The following VAV3 variants were observed in gnomAD, a reference collection of about 807,000 sequenced individuals.
The protein encoded by VAV3 is vav guanine nucleotide exchange factor 3, also known as guanine nucleotide exchange factor VAV3.
A neutral mutation model predicts 131.2 loss-of-function variants in VAV3; 94 were observed. The observed-to-expected ratio is 0.72, with a 90% confidence interval of 0.61 to 0.85. The LOEUF (loss-of-function observed/expected upper bound fraction) is 0.85. Among genes scored for constraint, VAV3 ranks in the 40% least tolerant of loss-of-function variants. VAV3 has a pLI of 0.00. For missense variants in VAV3, 939 were observed against 1,002.7 expected (o/e 0.94, Z 0.86); for synonymous variants, 349 against 342.0 (o/e 1.02, Z -0.22).
intron 1 of VAV3, among the ~76,000 whole-genome samples, chr1:107,878,338 T>C (rs1408315357): frequency 6.6e-6 from 1 of 152,202 alleles, no homozygotes; most frequent in Non-Finnish European, 1.5e-5. Flanking sequence ...ATATTCAAAT[T>C]TCCTCAATTG....
At chr1:107,647,476 G>C (rs1655820293) in intron 19 of VAV3, among the ~76,000 whole-genome samples, 2 of 151,888 alleles carry the variant, frequency 1.3e-5, no homozygotes, top group Non-Finnish European at 2.9e-5. Context: ...CCTTCAAACA[G>C]CCTATAGTCA....
intron 19 of VAV3, among the ~76,000 whole-genome samples, chr1:107,665,528 G>C (rs1239597641): frequency 6.6e-6 from 1 of 152,164 alleles, no homozygotes; most frequent in Non-Finnish European, 1.5e-5. Context: ...GAAATGTAAA[G>C]ATAAAGACCA....
intron 1 of VAV3, among the ~76,000 whole-genome samples, chr1:107,902,000 G>A (rs1222757829): frequency 2.0e-5 from 3 of 151,136 alleles, no homozygotes; most frequent in East Asian, 3.9e-4. Flanking sequence ...CCAAGATTGT[G>A]CCACTGCACT....
At chr1:107,796,639 T>C (rs1666560091) in intron 2 of VAV3, among the ~76,000 whole-genome samples, 1 of 152,048 alleles carries the variant, frequency 6.6e-6, no homozygotes, top group Non-Finnish European at 1.5e-5. Context: ...GGGGCCTAAA[T>C]AAGGATCAAA....
At chr1:107,774,408 T>C (rs1665220983) in intron 4 of VAV3, among the ~76,000 whole-genome samples, 1 of 152,184 alleles carries the variant, frequency 6.6e-6, no homozygotes, top group Non-Finnish European at 1.5e-5. Context: ...GACATGCATG[T>C]GTGAGTGCAT....
intron 2 of VAV3, among the ~76,000 whole-genome samples, chr1:107,870,294 A>G (rs1557892593): frequency 6.6e-6 from 1 of 152,094 alleles, no homozygotes; most frequent in Non-Finnish European, 1.5e-5. Flanking sequence ...CCATGTCAAC[A>G]TTTATTATTT....
At chr1:107,743,146 T>C (rs1431139920) in intron 15 of VAV3, among the ~76,000 whole-genome samples, 4 of 152,152 alleles carry the variant, frequency 2.6e-5, no homozygotes, top group Admixed American at 2.0e-4. Context: ...ATAAAACCAG[T>C]CAGGGCCTTC....
At chr1:107,611,256 T>C (rs1178729746) in intron 21 of VAV3, among the ~76,000 whole-genome samples, 3 of 152,190 alleles carry the variant, frequency 2.0e-5, no homozygotes, top group African/African-American at 7.2e-5. Context: ...ATACTCAAAC[T>C]GTATCAAAAA....
At chr1:107,592,678 T>TAGA (rs978063359) in intron 25 of VAV3, among the ~76,000 whole-genome samples, 1 of 152,146 alleles carries the variant, frequency 6.6e-6, no homozygotes, top group African/African-American at 2.4e-5. Flanking sequence ...ATGCTATTTT[T>TAGA]AAAAGAACAT....
chr1:107,791,417 G>T (rs192940412), intron 2 of VAV3, among the ~76,000 whole-genome samples: 50 of 151,566 alleles, frequency 3.3e-4, no homozygotes, highest in African/African-American at 1.2e-3. Flanking sequence ...AATAGTTCAG[G>T]TGATAGAGTA....
chr1:107,893,274 C>T lies in VAV3; in HGVS notation c.205-18257G>A, dbSNP rs1671399598. On this transcript the variant is annotated intron_variant, in intron 1 of 26. Coordinates refer to ENST00000370056, the MANE Select transcript of VAV3 (RefSeq NM_006113.5). ...TACTAGACTCAATTTTAAACATTTG[C>T]TCCTTTTTAAAGTTTGATTTTTACA... Among the ~76,000 whole-genome samples, 3 of 152,150 alleles carry T rather than the reference C, an allele frequency of 2.0e-5. No homozygotes were observed. In the South Asian group the frequency reaches 6.2e-4, roughly 32 times the overall value.
intron 17 of VAV3, among the ~76,000 whole-genome samples, chr1:107,691,466 A>C (rs1330481862): frequency 6.6e-6 from 1 of 152,152 alleles, no homozygotes; most frequent in African/African-American, 2.4e-5. Flanking sequence ...GCTGATTATC[A>C]TCAAATCTAT....
At chr1:107,920,321 T>C (rs1371057230) in intron 1 of VAV3, among the ~76,000 whole-genome samples, 1 of 152,206 alleles carries the variant, frequency 6.6e-6, no homozygotes, top group Non-Finnish European at 1.5e-5. Flanking sequence ...GAGTTCATCA[T>C]TACCACACAC....
At chr1:107,618,078 A>T (rs1653299700) in intron 20 of VAV3, among the ~76,000 whole-genome samples, 1 of 152,124 alleles carries the variant, frequency 6.6e-6, no homozygotes, top group Non-Finnish European at 1.5e-5. Context: ...CGCAGTTCAC[A>T]GTCAAGTCTG....
chr1:107,880,386 A>G, intron 1 of VAV3, among the ~76,000 whole-genome samples: 1 of 152,176 alleles, frequency 6.6e-6, no homozygotes, highest in South Asian at 2.1e-4. Flanking sequence ...TGAGATGGAC[A>G]CTTCTCTGGA....
chr1:107,770,759 T>G (rs1401024578), intron 5 of VAV3, 31 bp from the exon 6 acceptor site: 1 of 1,547,164 alleles, frequency 6.5e-7, no homozygotes, highest in Non-Finnish European at 8.8e-7. Flanking sequence ...ATAAAATGAT[T>G]TAATAAAATC....
chr1:107,900,192 C>A (rs1333165093), intron 1 of VAV3, among the ~76,000 whole-genome samples: 1 of 152,130 alleles, frequency 6.6e-6, no homozygotes. Context: ...ACATAGACTA[C>A]AAGCTTCGAC....
intron 1 of VAV3, among the ~76,000 whole-genome samples, chr1:107,955,158 TGGTCTATTTTA>T (rs1439314166): frequency 1.3e-5 from 2 of 152,200 alleles, no homozygotes; most frequent in African/African-American, 4.8e-5. Context: ...TTCTTTTATT[TGGTCTATTTTA>T]GAGATGAGGA....
At chr1:107,744,010 T>C (rs11185172) in intron 15 of VAV3, among the ~76,000 whole-genome samples, 76,757 of 152,056 alleles carry the variant, frequency 0.5, 19,961 homozygotes, top group East Asian at 0.75. Flanking sequence ...ATGTGATTTG[T>C]GGAGCTTAAC....
Sources: gnomAD v4.1 joint callset for allele counts (sites outside exome capture counted in the v4.1 genomes callset) on GRCh38, gnomAD v4.1.1 for gene constraint, MANE v1.5 for transcripts, NCBI Gene and HGNC (gene_info 2026-07-23, HGNC 2026-07-21) for gene names.